The following CHTF8 variants were observed in gnomAD, a reference collection of about 807,000 sequenced individuals.
CHTF8 encodes the protein chromosome transmission fidelity factor 8.
CHTF8 carries 6 observed loss-of-function variants against 11.0 expected under a neutral mutation model. The observed-to-expected ratio is 0.55, with a 90% CI of 0.30 to 1.08. The LOEUF is 1.08. CHTF8 is among the 50% of genes least tolerant of loss of function. The pLI is 0.07. For synonymous variants in CHTF8, 53 were observed against 60.5 expected, an observed-to-expected ratio of 0.88 and a Z score of 0.57; for missense variants, 140 against 153.1, an observed-to-expected ratio of 0.91 and a Z score of 0.45.
intron 1 of CHTF8, among the ~76,000 whole-genome samples, chr16:69,122,122 CTT>C (rs1210074483): frequency 1.3e-5 from 2 of 152,170 alleles, no homozygotes. Context: ...GTGCTAGGTA[CTT>C]TTCTAAGTCC....
In CHTF8 at chr16:69,118,153, AT is replaced by A; in HGVS notation, c.*2271del. 2 of 394,616 alleles carry A rather than the reference AT, an allele frequency of 5.1e-6. No individual in the cohort carries two copies. The highest frequency in any genetic ancestry group is 8.7e-6 in the Non-Finnish European group (2 of 229,458). 24.4% of individuals were successfully genotyped at this position (394,616 alleles called of 1,614,324 possible). A position where few individuals can be genotyped will look rare whatever the true frequency, so the allele number is the denominator to read the frequency against. ...CCCCCACCCTAATTCCCATATTCCC[AT>A]CCACATCAGTTTAAATTTTGAGGTT... On this transcript the variant is annotated 3_prime_UTR_variant, in exon 4 of 4. Coordinates refer to ENST00000448552, the MANE Select transcript of CHTF8 (RefSeq NM_001039690.5).
At chr16:69,122,377 T>C (rs1039906504) in intron 1 of CHTF8, among the ~76,000 whole-genome samples, 6 of 151,852 alleles carry the variant, frequency 4.0e-5, no homozygotes, top group African/African-American at 1.5e-4. Flanking sequence ...TTTTTTTTTT[T>C]TTTTCTTTTT....
At position 69,120,398 on chromosome 16, in the gene CHTF8, G is replaced by A. The variant is rs763325209; in HGVS notation, c.*27C>T. On this transcript the variant is annotated 3_prime_UTR_variant, in exon 4 of 4. Coordinates refer to ENST00000448552, the MANE Select transcript of CHTF8 (RefSeq NM_001039690.5). The surrounding 1 kb of genome is among the most constrained non-coding windows in gnomAD (Gnocchi z 4.0). The stretch of plus-strand genomic sequence containing the variant: ...GGAGCACGAGTCCAAGGAGTTGGCC[G>A]CTCTCTAGGGAAAATCCGAGGTTCT... The A allele has an allele frequency of 1.2e-6, 2 of 1,609,188 alleles. No individual in the cohort carries two copies. Among genetic ancestry groups the A allele is most frequent in the South Asian group, 1.1e-5 (1 of 90,964 alleles).
intron 1 of CHTF8, among the ~76,000 whole-genome samples, chr16:69,130,720 A>G (rs1399043743): frequency 6.6e-6 from 1 of 152,248 alleles, no homozygotes; most frequent in Non-Finnish European, 1.5e-5. Flanking sequence ...TCGATTTCCC[A>G]GAGAAAGGTG....
At chr16:69,131,791 C>A (rs983728174) in intron 1 of CHTF8, among the ~76,000 whole-genome samples, 1 of 151,886 alleles carries the variant, frequency 6.6e-6, no homozygotes, top group African/African-American at 2.4e-5. Context: ...CCAAATTGTT[C>A]CCGGTTCTCA....
At position 69,119,658 on chromosome 16, in the gene CHTF8, C is replaced by A; in HGVS notation, c.*767G>T. On this transcript the variant is annotated 3_prime_UTR_variant, in exon 4 of 4. Transcript: ENST00000448552. ...TTAAGTTAAGACCAGATCCTGTGCCCAAGAGGCCACCTGCTCTGGCATCTA... is the reference window on the plus strand; with the variant it reads ...TTAAGTTAAGACCAGATCCTGTGCCAAAGAGGCCACCTGCTCTGGCATCTA... 1.5e-6 allele frequency: 1 copy of A among 675,808 alleles called. No individual in the cohort carries two copies. 41.9% of individuals were successfully genotyped at this position (675,808 alleles called of 1,614,324 possible).
Position 69,118,092 on chromosome 16 carries a change from G to T in CHTF8, c.*2333C>A. 1.9e-6 allele frequency: 1 copy of T among 540,508 alleles called. No individual in the cohort carries two copies. The allele number at this position is 540,508 out of a possible 1,614,324, so 33.5% of individuals were successfully genotyped here. A position where few individuals can be genotyped will look rare whatever the true frequency, so the allele number is the denominator to read the frequency against. On this transcript the variant is annotated 3_prime_UTR_variant, in exon 4 of 4. Transcript: ENST00000448552. Reference sequence around the variant, plus strand: ...ACCAACCATCCTTGCACACCAGGCCGAACAAAGCACAGTGATTTCTTCCCT... The same window carrying T: ...ACCAACCATCCTTGCACACCAGGCCTAACAAAGCACAGTGATTTCTTCCCT...
In CHTF8 at chr16:69,120,565, G is replaced by A. The variant is rs371096520; in HGVS notation, c.226C>T (p.His76Tyr). The A allele has an allele frequency of 4.2e-5, 67 of 1,614,052 alleles. No homozygotes were observed. The highest frequency in any genetic ancestry group is 5.1e-5 in the Non-Finnish European group (60 of 1,180,026). The change falls in exon 4 of 4, where the codon CAC becomes TAC. Residue 76 changes from histidine to tyrosine, a missense_variant. By Grantham distance (83) the His-to-Tyr change is moderately conservative. Transcript: ENST00000448552. The surrounding 1 kb of genome is among the most constrained non-coding windows in gnomAD (Gnocchi z 4.0). Reference sequence around the variant, plus strand: ...TCACAGTCCTGATCCCCAGGAGTGTGTTTGACAAGGACTGCAAAAGGTTTC... The same window carrying A: ...TCACAGTCCTGATCCCCAGGAGTGTATTTGACAAGGACTGCAAAAGGTTTC... ...LEKPFAVLVK[H>Y]TPGDQDCDEL...
intron 1 of CHTF8, among the ~76,000 whole-genome samples, chr16:69,126,703 C>T (rs889472802): frequency 6.6e-6 from 1 of 152,184 alleles, no homozygotes; most frequent in Non-Finnish European, 1.5e-5. Context: ...TTTATACGCA[C>T]GTGGGTGTAT....
intron 1 of CHTF8, among the ~76,000 whole-genome samples, chr16:69,130,520 C>T (rs1962421545): frequency 6.6e-6 from 1 of 152,186 alleles, no homozygotes; most frequent in African/African-American, 2.4e-5. Flanking sequence ...ACTCACTTGT[C>T]ATACAGACCT....
rs1010482626 is a variant in CHTF8 at position 69,119,015 on chromosome 16, C to T, written c.*1410G>A. The T allele has an allele frequency of 1.1e-5, 8 of 702,934 alleles. No homozygotes were observed. Among genetic ancestry groups the T allele is most frequent in the African/African-American group, 5.2e-5 (3 of 57,278 alleles). The allele number at this position is 702,934 out of a possible 1,614,324, so 43.5% of individuals were successfully genotyped here. ...CTTGGAAAGGAAGCTGGGTTGAGAC[C>T]CAGGGTCCCAGTTGGCCTTGTGAAA... On this transcript the variant is annotated 3_prime_UTR_variant, in exon 4 of 4. Transcript: ENST00000448552.
chr16:69,123,384 G>A (rs778246215), intron 1 of CHTF8, among the ~76,000 whole-genome samples: 12 of 152,282 alleles, frequency 7.9e-5, no homozygotes, highest in Admixed American at 3.3e-4. Context: ...GGGGCCAGGC[G>A]CGGTGTCTCA....
At chr16:69,128,204 C>T (rs1039955961) in intron 1 of CHTF8, among the ~76,000 whole-genome samples, 4 of 152,110 alleles carry the variant, frequency 2.6e-5, no homozygotes, top group Admixed American at 2.0e-4. Flanking sequence ...TGAACCACAG[C>T]GCCCGGCTAA....
In CHTF8 at chr16:69,120,631, C is replaced by G; in HGVS notation, c.160G>C (p.Val54Leu). The change falls in exon 4 of 4, where the codon GTG becomes CTG. Residue 54 changes from valine to leucine, a missense_variant. Val to Leu is a conservative substitution (Grantham distance 32). Coordinates refer to ENST00000448552, the MANE Select transcript of CHTF8 (RefSeq NM_001039690.5). This position sits in a 1 kb window ranked among gnomAD's most constrained non-coding sequence, Gnocchi z 4.0. ...YTTEGIPVLI[V>L]GHHILYGKII... ...TTCCCATACAGGATATGATGCCCCACGATCAGCACAGGGATTCCCTTTGGC... is the reference window on the plus strand; with the variant it reads ...TTCCCATACAGGATATGATGCCCCAGGATCAGCACAGGGATTCCCTTTGGC... 6.2e-7 allele frequency: 1 copy of G among 1,612,040 alleles called. No individual in the cohort carries two copies. Among genetic ancestry groups the G allele is most frequent in the South Asian group, 1.1e-5 (1 of 91,044 alleles).
chr16:69,124,303 T>C (rs980104669), intron 1 of CHTF8, among the ~76,000 whole-genome samples: 3 of 152,182 alleles, frequency 2.0e-5, no homozygotes, highest in Non-Finnish European at 4.4e-5. Context: ...GTACTGTCAA[T>C]GTATTATGCA....
chr16:69,120,807 GC>G lies in CHTF8; in HGVS notation c.142-159del. The G allele has an allele frequency of 6.8e-6, 5 of 731,846 alleles. No homozygotes were observed. The highest frequency in any genetic ancestry group is 4.3e-5 in the Admixed American group (2 of 46,036). The allele number at this position is 731,846 out of a possible 1,614,324, so 45.3% of individuals were successfully genotyped here. On this transcript the variant is annotated intron_variant, in intron 3 of 3. Transcript: ENST00000448552. This position sits in a 1 kb window ranked among gnomAD's most constrained non-coding sequence, Gnocchi z 4.0. Reference sequence around the variant, plus strand: ...GCCACACTGGACCACCCACCCATGTGCCCTTTTTACTTTCTAGCCCCACATA... The same window carrying G: ...GCCACACTGGACCACCCACCCATGTGCCTTTTTACTTTCTAGCCCCACATA...
chr16:69,130,461 T>C (rs1019082823), intron 1 of CHTF8, among the ~76,000 whole-genome samples: 1 of 152,248 alleles, frequency 6.6e-6, no homozygotes, highest in African/African-American at 2.4e-5. Flanking sequence ...TATTGAGCTT[T>C]TGTTTTTTGA....
rs188827537 is a variant in CHTF8, at chr16:69,121,125, C to T, written c.69G>A (p.Gln23=). 6.2e-7 allele frequency: 1 copy of T among 1,613,714 alleles called. No homozygotes were observed. Among genetic ancestry groups the T allele is most frequent in the East Asian group, 2.2e-5 (1 of 44,882 alleles). The change falls in exon 3 of 4, where the codon CAG becomes CAA. Residue 23 remains glutamine, a synonymous_variant. Transcript: ENST00000448552. ...GLAEWVLMEL[Q]GEIEARYSTG... ...TGCTGTAGCGAGCCTCGATCTCCCCCTGTAGCTCCATCAGCACCCATTCTG... is the reference window on the plus strand; with the variant it reads ...TGCTGTAGCGAGCCTCGATCTCCCCTTGTAGCTCCATCAGCACCCATTCTG...
chr16:69,121,598 C>T, intron 1 of CHTF8, 105 bp from the exon 2 acceptor site: 1 of 652,446 alleles, frequency 1.5e-6, no homozygotes. Flanking sequence ...CTGCCTCAGC[C>T]TCCCGAGTAG....
Sources: gnomAD v4.1 joint callset for allele counts (sites outside exome capture counted in the v4.1 genomes callset) on GRCh38, gnomAD v4.1.1 for gene constraint, Gnocchi (gnomAD v3.1) non-coding constraint, MANE v1.5 for transcripts, NCBI Gene and HGNC (gene_info 2026-07-23, HGNC 2026-07-21) for gene names.